The following VPS13B variants were observed in gnomAD, a reference collection of about 807,000 sequenced individuals.
VPS13B encodes the protein vacuolar protein sorting 13 homolog B, also known as intermembrane lipid transfer protein VPS13B.
Under a neutral mutation model 426.4 loss-of-function variants are expected in VPS13B, and 285 were observed. That is an observed-to-expected ratio of 0.67 (90% CI 0.61 to 0.74). VPS13B has a LOEUF of 0.74. Among genes scored for constraint, VPS13B ranks in the 30% least tolerant of loss-of-function variants. The pLI, the probability that VPS13B is intolerant of heterozygous loss-of-function variation, is 0.00. For missense variants in VPS13B, 4,537 were observed against 4,782.6 expected (o/e 0.95, Z 1.51); for synonymous variants, 1,676 against 1,676.4 (o/e 1.00, Z 0.01).
At chr8:99,183,735 T>C (rs1264018093) in intron 16 of VPS13B, among the ~76,000 whole-genome samples, 1 of 152,162 alleles carries the variant, frequency 6.6e-6, no homozygotes, top group East Asian at 1.9e-4. Flanking sequence ...TTAAGTAAAC[T>C]ATAAGTATTC....
rs1197636227 is a variant in VPS13B, at chr8:99,766,804, C to T, written c.7081C>T (p.Leu2361Phe). ...VPCSLEYWDE[L>F]QKVFVAFREF... ...TTGTAGCTTGGAATACTGGGATGAA[C>T]TCCAGAAGGTTTTTGTTGCATTTAG... The change falls in exon 40 of 62, where the codon CTC (leucine) becomes TTC (phenylalanine). Residue 2361 changes from leucine (L) to phenylalanine (F), a missense_variant. This residue lies in a region of VPS13B where 4,311 missense variants were observed against 4,474.3 expected (regional missense o/e 0.96). Transcript: ENST00000357162. The T allele has an allele frequency of 1.9e-6, 3 of 1,613,858 alleles. No homozygotes were observed. In the Admixed American group the frequency reaches 5.0e-5, roughly 27 times the overall value.
chr8:99,300,872 T>C (rs1261477768), intron 19 of VPS13B, among the ~76,000 whole-genome samples: 1 of 150,310 alleles, frequency 6.7e-6, no homozygotes, highest in East Asian at 1.9e-4. Context: ...ATCAGATTAT[T>C]TAATATAGTT....
chr8:99,166,732 C>T (rs1812028873), intron 15 of VPS13B, among the ~76,000 whole-genome samples: 2 of 152,096 alleles, frequency 1.3e-5, no homozygotes, highest in Non-Finnish European at 2.9e-5. Context: ...TTCATATGGA[C>T]TCTCAAGGGA....
intron 3 of VPS13B, among the ~76,000 whole-genome samples, chr8:99,067,256 A>G (rs917557809): frequency 6.6e-6 from 1 of 152,218 alleles, no homozygotes; most frequent in South Asian, 2.1e-4. Context: ...ATGTCTGTCA[A>G]TGATAGACTG....
intron 19 of VPS13B, among the ~76,000 whole-genome samples, chr8:99,342,224 C>T (rs1158287541): frequency 6.6e-6 from 1 of 152,126 alleles, no homozygotes; most frequent in African/African-American, 2.4e-5. Flanking sequence ...TCTGTCATGT[C>T]GTTTACCTAT....
At chr8:99,065,393 C>T (rs1844428622) in intron 3 of VPS13B, among the ~76,000 whole-genome samples, 1 of 152,136 alleles carries the variant, frequency 6.6e-6, no homozygotes, top group Non-Finnish European at 1.5e-5. Context: ...ATCACATAAA[C>T]AGAACTAAAG....
At chr8:99,546,093 T>C (rs922458312) in intron 30 of VPS13B, among the ~76,000 whole-genome samples, 8 of 152,092 alleles carry the variant, frequency 5.3e-5, no homozygotes, top group African/African-American at 1.9e-4. Flanking sequence ...TGCTTAATGA[T>C]TATTGTAAGT....
At chr8:99,696,734 CG>C in intron 35 of VPS13B, 1 of 1,036,596 alleles carries the variant, frequency 9.6e-7, no homozygotes, top group Non-Finnish European at 1.5e-6. Context: ...CCAGAAGATC[CG>C]GGGGATGGGG....
rs1053663421 is a variant in VPS13B, at chr8:99,365,119, T to G, written c.2825-19089T>G. On this transcript the variant is annotated intron_variant, in intron 19 of 61. Coordinates refer to ENST00000357162, the MANE Select transcript of VPS13B (RefSeq NM_152564.5). ...CTTTGAATTTCTGTGGTATTGGTTG[T>G]AATATCTCCTTTTTCATCTTTGATT... 3.3e-5 allele frequency among the ~76,000 whole-genome samples: 5 copies of G among 152,060 alleles called. No homozygotes were observed. In the East Asian group the frequency reaches 9.6e-4, roughly 29 times the overall value.
At chr8:99,481,467 T>C (rs919210929) in intron 24 of VPS13B, 132 bp from the exon 25 acceptor site, 27 of 956,330 alleles carry the variant, frequency 2.8e-5, no homozygotes, top group Non-Finnish European at 4.3e-5. Context: ...AAGTGATCAG[T>C]GATGCATTGG....
At chr8:99,014,262 C>A (rs1467109666) in intron 2 of VPS13B, among the ~76,000 whole-genome samples, 1 of 151,214 alleles carries the variant, frequency 6.6e-6, no homozygotes, top group Admixed American at 6.6e-5. Context: ...GGATTACAGG[C>A]GCGCACCACC....
At chr8:99,053,675 CTTTT>C (rs1171107732) in intron 3 of VPS13B, among the ~76,000 whole-genome samples, 1 of 132,230 alleles carries the variant, frequency 7.6e-6, no homozygotes. Flanking sequence ...TTTTTTTTTC[CTTTT>C]TTTTTTTTTT....
At chr8:99,846,981 C>A (rs562889801) in intron 54 of VPS13B, among the ~76,000 whole-genome samples, 48 of 152,280 alleles carry the variant, frequency 3.2e-4, no homozygotes, top group Non-Finnish European at 5.1e-4. Flanking sequence ...AATTTCATAT[C>A]TTTCAACCTA....
intron 39 of VPS13B, among the ~76,000 whole-genome samples, chr8:99,761,848 T>C (rs1024258108): frequency 3.9e-5 from 6 of 152,174 alleles, no homozygotes; most frequent in African/African-American, 1.4e-4. Context: ...TTAGTATGGG[T>C]ACATAATCAT....
intron 35 of VPS13B, among the ~76,000 whole-genome samples, chr8:99,682,780 G>A (rs1191428316): frequency 6.6e-6 from 1 of 152,108 alleles, no homozygotes; most frequent in Non-Finnish European, 1.5e-5. Context: ...AGGTCCTAGG[G>A]CTCTATAACC....
intron 17 of VPS13B, among the ~76,000 whole-genome samples, chr8:99,196,683 C>T (rs1359445298): frequency 1.3e-5 from 2 of 152,106 alleles, no homozygotes; most frequent in Non-Finnish European, 2.9e-5. Flanking sequence ...AAGTAATTCA[C>T]CCACCTCGTC....
intron 54 of VPS13B, among the ~76,000 whole-genome samples, chr8:99,840,639 A>C (rs1815636115): frequency 6.6e-6 from 1 of 152,202 alleles, no homozygotes; most frequent in Non-Finnish European, 1.5e-5. Flanking sequence ...AATGCATCTA[A>C]AATCACTTTT....
chr8:99,442,309 T>G lies in VPS13B; in HGVS notation c.3211-92T>G, dbSNP rs1157500607. ...AAAGACATAAATATGGAACATTTAC[T>G]TTTTTTGGTTGTTTATTCTGGCGAA... is the stretch of plus-strand genomic sequence containing the variant. On this transcript the variant is annotated intron_variant, in intron 22 of 61. Coordinates refer to ENST00000357162, the MANE Select transcript of VPS13B (RefSeq NM_152564.5). The G allele has an allele frequency of 5.6e-6, 6 of 1,076,592 alleles. No individual in the cohort carries two copies. The East Asian group carries it at 1.0e-4, about 18-fold the overall frequency. The allele number at this position is 1,076,592 out of a possible 1,614,324, so 66.7% of individuals were successfully genotyped here.
At chr8:99,046,963 C>T (rs1037045145) in intron 3 of VPS13B, among the ~76,000 whole-genome samples, 8 of 152,232 alleles carry the variant, frequency 5.3e-5, no homozygotes, top group African/African-American at 1.9e-4. Context: ...CATCTATGTT[C>T]ATCAGGGATA....
Sources: gnomAD v4.1 joint callset for allele counts (sites outside exome capture counted in the v4.1 genomes callset) on GRCh38, gnomAD v4.1.1 for gene constraint, gnomAD v4.1.1 regional missense constraint, MANE v1.5 for transcripts, NCBI Gene and HGNC (gene_info 2026-07-23, HGNC 2026-07-21) for gene names.